ACTL6A: variants seen among roughly 807,000 people sequenced by gnomAD.
ACTL6A encodes actin-like protein 6A.
ACTL6A carries 5 observed loss-of-function variants against 59.2 expected under a neutral mutation model. The observed-to-expected ratio is 0.08, with a 90% CI of 0.04 to 0.18. ACTL6A has a LOEUF of 0.18. ACTL6A is among the 10% of genes least tolerant of loss of function. The pLI is 1.00. For synonymous variants in ACTL6A, 154 were observed against 171.8 expected, an observed-to-expected ratio of 0.90 and a Z score of 0.81; for missense variants, 285 against 526.9, an observed-to-expected ratio of 0.54 and a Z score of 4.49.
In ACTL6A at chr3:179,562,973, G is replaced by A. The variant is rs997475244; in HGVS notation, c.-120G>A. ...GTGTGGACGCCGCTTTGTTGCCTGA[G>A]GTGGGTGGCGGTGGAAGTTAAGGGA... On this transcript the variant is annotated 5_prime_UTR_variant, in exon 1 of 14. Coordinates refer to ENST00000429709, the MANE Select transcript of ACTL6A (RefSeq NM_004301.5). The A allele has an allele frequency of 9.7e-6, 13 of 1,344,924 alleles. No individual in the cohort carries two copies. In the African/African-American group the frequency reaches 1.4e-4, roughly 15 times the overall value. 83.3% of individuals were successfully genotyped at this position (1,344,924 alleles called of 1,614,324 possible). A position where few individuals can be genotyped will look rare whatever the true frequency, so the allele number is the denominator to read the frequency against.
intron 8 of ACTL6A, among the ~76,000 whole-genome samples, chr3:179,579,656 T>G (rs949943949): frequency 1.3e-5 from 2 of 152,142 alleles, no homozygotes; most frequent in Non-Finnish European, 2.9e-5. Flanking sequence ...GGTTTGGTGC[T>G]GAGCACCTGT....
intron 1 of ACTL6A, among the ~76,000 whole-genome samples, chr3:179,565,350 T>A (rs1486893701): frequency 6.6e-6 from 1 of 151,202 alleles, no homozygotes; most frequent in African/African-American, 2.4e-5. Flanking sequence ...GGCACAAGAA[T>A]CGCTCGAACC....
Position 179,570,793 on chromosome 3 carries a change from G to T in ACTL6A, c.277+552G>T, listed in dbSNP as rs1717981766. 6.6e-6 allele frequency among the ~76,000 whole-genome samples: 1 copy of T among 152,184 alleles called. No individual in the cohort carries two copies. Among genetic ancestry groups the T allele is most frequent in the African/African-American group, 2.4e-5 (1 of 41,446 alleles). ...CAGAGAGCAGTAGCAGGAAAGGTAG[G>T]CAGGGAGCAGTCATAAAAGGGCTTG... On this transcript the variant is annotated intron_variant, in intron 3 of 13. Transcript: ENST00000429709. This position sits in a 1 kb window ranked among gnomAD's most constrained non-coding sequence, Gnocchi z 4.3.
chr3:179,565,015 A>G (rs1717788645), intron 1 of ACTL6A, among the ~76,000 whole-genome samples: 1 of 151,906 alleles, frequency 6.6e-6, no homozygotes, highest in East Asian at 1.9e-4. Context: ...ATGTCTTAAC[A>G]GTGCTGGCGT....
chr3:179,574,617 T>C (rs1242361593), intron 5 of ACTL6A, 150 bp downstream of exon 5: 5 of 652,004 alleles, frequency 7.7e-6, no homozygotes, highest in Non-Finnish European at 1.4e-5. Flanking sequence ...CATCTTTTAG[T>C]ATTTCTTGTT....
At chr3:179,573,268 A>C in intron 3 of ACTL6A, 101 bp from the exon 4 acceptor site, 1 of 707,710 alleles carries the variant, frequency 1.4e-6, no homozygotes, top group East Asian at 3.0e-5. Context: ...GGTTCTGTAT[A>C]CTAAAGTATT....
At position 179,570,165 on chromosome 3, in the gene ACTL6A, C is replaced by G; in HGVS notation, c.201C>G (p.Thr67=). 6.2e-7 allele frequency: 1 copy of G among 1,614,070 alleles called. No homozygotes were observed. Among genetic ancestry groups the G allele is most frequent in the Non-Finnish European group, 8.5e-7 (1 of 1,179,990 alleles). ...ATAAAGGCAAACAAGGCGGTCCCAC[C>G]TACTACATAGATACTAATGCTCTGC... The part of the protein sequence containing the change: ...DGDKGKQGGP[T]YYIDTNALRV... The change falls in exon 3 of 14, where the codon ACC becomes ACG. Residue 67 remains threonine, a synonymous_variant. Transcript: ENST00000429709. This position sits in a 1 kb window ranked among gnomAD's most constrained non-coding sequence, Gnocchi z 4.3.
At position 179,562,934 on chromosome 3, in the gene ACTL6A, C is replaced by G. The variant is rs1717703881; in HGVS notation, c.-159C>G. 2 of 888,386 alleles carry G rather than the reference C, an allele frequency of 2.3e-6. No individual in the cohort carries two copies. The highest frequency in any genetic ancestry group is 3.6e-6 in the Non-Finnish European group (2 of 556,104). The allele number at this position is 888,386 out of a possible 1,614,324, so 55.0% of individuals were successfully genotyped here. ...TGATAGGAGGAGCCAGCAAGTGTGG[C>G]TGAGCTCCGGGGTGTGTGGACGCCG... On this transcript the variant is annotated 5_prime_UTR_variant, in exon 1 of 14. Transcript: ENST00000429709.
chr3:179,587,335 TTC>T (rs541081067), intron 13 of ACTL6A, among the ~76,000 whole-genome samples: 161 of 152,216 alleles, frequency 1.1e-3, no homozygotes, highest in Non-Finnish European at 1.8e-3. Context: ...TTCTGACAGT[TTC>T]TGTTATTGCC....
chr3:179,576,422 GA>G (rs757357101), intron 6 of ACTL6A, 111 bp downstream of exon 6: 5 of 940,536 alleles, frequency 5.3e-6, no homozygotes, highest in South Asian at 3.7e-5. Context: ...TTCTGAATAA[GA>G]TTTTTTTTAA....
chr3:179,573,268 A>G (rs1179190775), intron 3 of ACTL6A, 101 bp from the exon 4 acceptor site: 2 of 707,592 alleles, frequency 2.8e-6, no homozygotes, highest in Non-Finnish European at 4.6e-6. Flanking sequence ...GGTTCTGTAT[A>G]CTAAAGTATT....
chr3:179,580,048 C>T (rs1240460742), intron 8 of ACTL6A, among the ~76,000 whole-genome samples: 1 of 152,162 alleles, frequency 6.6e-6, no homozygotes, highest in Non-Finnish European at 1.5e-5. Context: ...GCTGAGATTA[C>T]AGGTATGAGC....
intron 3 of ACTL6A, among the ~76,000 whole-genome samples, chr3:179,572,544 G>A (rs1258867390): frequency 2.0e-5 from 3 of 152,094 alleles, no homozygotes; most frequent in Non-Finnish European, 4.4e-5. Context: ...GGTGGCTCAC[G>A]CCTGTAATCC....
In ACTL6A at chr3:179,576,727, G is replaced by GT. The variant is rs1718177268; in HGVS notation, c.678+2dup. The GT allele has an allele frequency of 6.2e-7, 1 of 1,611,656 alleles. No individual in the cohort carries two copies. The highest frequency in any genetic ancestry group is 1.3e-5 in the African/African-American group (1 of 74,830). Reference sequence around the variant, plus strand: ...TCCTCCATATATGATTGCATCAAAAGTAAGTAATTATTGAATTTTCTTTGT... The same window carrying GT: ...TCCTCCATATATGATTGCATCAAAAGTTAAGTAATTATTGAATTTTCTTTGT... On this transcript the variant is annotated splice_donor_variant, in intron 7 of 13. Transcript: ENST00000429709. LOFTEE classifies it high-confidence loss of function.
intron 1 of ACTL6A, among the ~76,000 whole-genome samples, chr3:179,565,928 A>G (rs1340306445): frequency 1.3e-5 from 2 of 152,210 alleles, no homozygotes; most frequent in Admixed American, 1.3e-4. Flanking sequence ...GAGGCACAAT[A>G]TCTGTAGGGA....
At position 179,576,298 on chromosome 3, in the gene ACTL6A, T is replaced by C. The variant is rs202120446; in HGVS notation, c.558T>C (p.Tyr186=). 1 of 1,600,732 alleles carries C rather than the reference T, an allele frequency of 6.2e-7. No homozygotes were observed. Among genetic ancestry groups the C allele is most frequent in the Non-Finnish European group, 8.5e-7 (1 of 1,176,148 alleles). The change falls in exon 6 of 14, where the codon TAT becomes TAC. Residue 186 remains tyrosine (Y), a synonymous_variant. Transcript: ENST00000429709. The part of the protein sequence containing the change: ...HTTAIPVHDG[Y]VLQQGIVKSP... ...CTGCAATTCCAGTCCACGATGGCTA[T>C]GTCCTTCAACAAGGTAAATGTATTT...
rs745629037 is a variant in ACTL6A at position 179,580,675 on chromosome 3, A to G, written c.804A>G (p.Gln268=). The change falls in exon 9 of 14, where the codon CAA becomes CAG. Residue 268 remains glutamine, a synonymous_variant. Transcript: ENST00000429709. ...AGGATTTTCAAGCTTCGGTACTTCAAGTGTCAGATTCAACTTATGATGAAC... is the reference window on the plus strand; with the variant it reads ...AGGATTTTCAAGCTTCGGTACTTCAGGTGTCAGATTCAACTTATGATGAAC... The part of the protein sequence containing the change: ...VIQDFQASVL[Q]VSDSTYDEQV... 2 of 1,608,768 alleles carry G rather than the reference A, an allele frequency of 1.2e-6. No individual in the cohort carries two copies. The highest frequency in any genetic ancestry group is 1.1e-5 in the South Asian group (1 of 90,040).
At chr3:179,574,128 T>C (rs1186047999) in intron 4 of ACTL6A, among the ~76,000 whole-genome samples, 2 of 152,160 alleles carry the variant, frequency 1.3e-5, no homozygotes, top group African/African-American at 4.8e-5. Context: ...AGGAGCAATT[T>C]TATTATTAAA....
At chr3:179,565,175 C>T (rs537788827) in intron 1 of ACTL6A, among the ~76,000 whole-genome samples, 3 of 152,016 alleles carry the variant, frequency 2.0e-5, no homozygotes, top group Non-Finnish European at 2.9e-5. Context: ...GGGCCGGGTG[C>T]GGTGTAATCC....
Sources: gnomAD v4.1 joint callset for allele counts (sites outside exome capture counted in the v4.1 genomes callset) on GRCh38, gnomAD v4.1.1 for gene constraint, Gnocchi (gnomAD v3.1) non-coding constraint, MANE v1.5 for transcripts, NCBI Gene and HGNC (gene_info 2026-07-23, HGNC 2026-07-21) for gene names.